Variants in IGFBP1 observed in about 807,000 individuals in gnomAD.
IGFBP1 encodes insulin-like growth factor-binding protein 1.
Under a neutral mutation model 23.1 loss-of-function variants are expected in IGFBP1, and 31 were observed. That is an observed-to-expected ratio of 1.34 (90% confidence interval 1.01 to 1.81). IGFBP1 has a LOEUF of 1.81. IGFBP1 is among the 40% of genes most tolerant of loss of function. IGFBP1 has a pLI of 0.00. For synonymous variants in IGFBP1, 148 were observed against 145.5 expected (o/e 1.02, Z -0.13); for missense variants, 333 against 342.2 (o/e 0.97, Z 0.21).
chr7:45,892,532 A>AC (rs1787095236), intron 3 of IGFBP1, among the ~76,000 whole-genome samples: 1 of 152,188 alleles, frequency 6.6e-6, no homozygotes, highest in South Asian at 2.1e-4. Context: ...GATCAAACAG[A>AC]CCAAGATTTC....
chr7:45,892,711 G>A (rs9658224), intron 3 of IGFBP1, among the ~76,000 whole-genome samples: 15,759 of 152,232 alleles, frequency 0.1, 1,003 homozygotes, highest in East Asian at 0.19. Context: ...AGACAGCTGT[G>A]CACACACTGT....
At position 45,892,996 on chromosome 7, in the gene IGFBP1, T is replaced by C. The variant is rs1787108202; in HGVS notation, c.685T>C (p.Trp229Arg). 6.2e-7 allele frequency: 1 copy of C among 1,612,962 alleles called. No homozygotes were observed. The highest frequency in any genetic ancestry group is 1.3e-5 in the African/African-American group (1 of 75,034). The change falls in exon 4 of 4, where the codon TGG (tryptophan) becomes CGG (arginine). Residue 229 changes from tryptophan (W) to arginine (R), a missense_variant. Transcript: ENST00000275525. ...CATGGATGGAGAGGCGGGACTCTGC[T>C]GGTGCGTCTACCCTTGGAATGGGAA... Reference protein sequence around the residue: ...TSMDGEAGLCWCVYPWNGKRI... With the variant: ...TSMDGEAGLCRCVYPWNGKRI...
intron 1 of IGFBP1, among the ~76,000 whole-genome samples, chr7:45,889,497 C>T (rs991332888): frequency 6.6e-6 from 1 of 152,224 alleles, no homozygotes; most frequent in Non-Finnish European, 1.5e-5. Flanking sequence ...TTGTAATATA[C>T]GTCCTGGATA....
intron 3 of IGFBP1, 26 bp downstream of exon 3, chr7:45,892,086 G>A (rs752943844): frequency 2.2e-5 from 36 of 1,611,944 alleles, no homozygotes; most frequent in African/African-American, 6.7e-5. Flanking sequence ...AGTGTGCGTC[G>A]TCAGGGTGAA....
rs765612314 is a variant in IGFBP1, at chr7:45,888,731, C to G, written c.79C>G (p.Pro27Ala). The G allele has an allele frequency of 1.3e-6, 2 of 1,594,936 alleles. No individual in the cohort carries two copies. The highest frequency in any genetic ancestry group is 4.5e-5 in the East Asian group (2 of 44,558). ...CCAGGTCGGCGTGACAGCCGGCGCT[C>G]CGTGGCAGTGCGCGCCCTGCTCCGC... The part of the protein sequence containing the change: ...TVQVGVTAGA[P>A]WQCAPCSAEK... The change falls in exon 1 of 4, where the codon CCG (proline) becomes GCG (alanine). Residue 27 changes from proline (P) to alanine (A), a missense_variant. Pro to Ala is a conservative substitution (Grantham distance 27). Transcript: ENST00000275525.
rs576996909 is a variant in IGFBP1, at chr7:45,892,654, G to T, written c.649-306G>T. On this transcript the variant is annotated intron_variant, in intron 3 of 3. Coordinates refer to ENST00000275525, the MANE Select transcript of IGFBP1 (RefSeq NM_000596.4). ...GCAATGAACAGTGGGGCACACACGAGACATGTTCCCTCTGGGTTGGGCTCC... is the reference window on the plus strand; with the variant it reads ...GCAATGAACAGTGGGGCACACACGATACATGTTCCCTCTGGGTTGGGCTCC... Among the ~76,000 whole-genome samples the T allele has an allele frequency of 2.0e-5, 3 of 152,236 alleles. No individual in the cohort carries two copies. In the South Asian group the frequency reaches 6.2e-4, roughly 32 times the overall value.
At chr7:45,889,850 C>A (rs1185758370) in intron 1 of IGFBP1, among the ~76,000 whole-genome samples, 2 of 152,132 alleles carry the variant, frequency 1.3e-5, no homozygotes, top group African/African-American at 4.8e-5. Flanking sequence ...GGATTTCCTG[C>A]GGATTCTCTG....
At position 45,888,992 on chromosome 7, in the gene IGFBP1, C is replaced by G. The variant is rs41258845; in HGVS notation, c.340C>G (p.His114Asp). ...GCAGGAGTCTGACGCCTCCGCTCCC[C>G]ATGCTGCAGGTACCACAGTCCCGCC... is the stretch of plus-strand genomic sequence containing the variant. ...CVQESDASAP[H>D]AAEAGSPESP... The change falls in exon 1 of 4, where the codon CAT becomes GAT. Residue 114 changes from histidine to aspartate, a missense_variant. Transcript: ENST00000275525. 2,976 of 1,516,380 alleles carry G rather than the reference C, an allele frequency of 2.0e-3. 44 individuals are homozygous for G. In the African/African-American group the frequency reaches 0.031, roughly 16 times the overall value. The allele number at this position is 1,516,380 out of a possible 1,614,324, so 93.9% of individuals were successfully genotyped here.
At position 45,891,919 on chromosome 7, in the gene IGFBP1, G is replaced by A. The variant is rs781367934; in HGVS notation, c.520-13G>A. Reference sequence around the variant, plus strand: ...GTCTTGTTAGATATGCTAATGTCAAGTTATTCTCTTAGGAGCCCTGCCGAA... The same window carrying A: ...GTCTTGTTAGATATGCTAATGTCAAATTATTCTCTTAGGAGCCCTGCCGAA... On this transcript the variant is annotated splice_polypyrimidine_tract_variant and intron_variant, in intron 2 of 3. Transcript: ENST00000275525. 4 of 1,606,666 alleles carry A rather than the reference G, an allele frequency of 2.5e-6. No homozygotes were observed. In the South Asian group the frequency reaches 4.4e-5, roughly 18 times the overall value.
chr7:45,890,835 T>G (rs1384092920), intron 2 of IGFBP1, 118 bp downstream of exon 2: 5 of 914,074 alleles, frequency 5.5e-6, no homozygotes, highest in Non-Finnish European at 8.1e-6. Flanking sequence ...AAAGAAATGC[T>G]TTTCCCCCAA....
chr7:45,890,768 T>C (rs750460700), intron 2 of IGFBP1, 51 bp downstream of exon 2: 2 of 1,508,238 alleles, frequency 1.3e-6, no homozygotes, highest in Non-Finnish European at 1.8e-6. Context: ...AGGATGTAGC[T>C]TGAGTCGGCT....
rs546971229 is a variant in IGFBP1, at chr7:45,890,703, A to G, written c.505A>G (p.Ile169Val). The G allele has an allele frequency of 2.5e-6, 4 of 1,603,808 alleles. No individual in the cohort carries two copies. In the East Asian group the frequency reaches 6.8e-5, roughly 27 times the overall value. Residue 169 changes from isoleucine (I) to valine (V), a missense_variant, in exon 2 of 4, where the codon ATC becomes GTC. Transcript: ENST00000275525. ...DGSKALHVTN[I>V]KKWKEPCRIE... ...CTCGAAGGCTCTCCATGTCACCAAC[A>G]TCAAAAAATGGAAGGTGAGGCCCAG...
rs1787028699 is a variant in IGFBP1, at chr7:45,888,902, T to C, written c.250T>C (p.Cys84Arg). The change falls in exon 1 of 4, where the codon TGC (cysteine) becomes CGC (arginine). Residue 84 changes from cysteine (C) to arginine (R), a missense_variant. Physicochemically the swap from Cys to Arg is radical, Grantham distance 180. Coordinates refer to ENST00000275525, the MANE Select transcript of IGFBP1 (RefSeq NM_000596.4). ...ATARCARGLSCRALPGEQQPL... is the reference protein window; with the variant it reads ...ATARCARGLSRRALPGEQQPL... ...TGCACGCTGCGCCCGGGGACTCAGT[T>C]GCCGCGCGCTGCCGGGGGAGCAGCA... 1.3e-6 allele frequency: 2 copies of C among 1,499,418 alleles called. No homozygotes were observed. Among genetic ancestry groups the C allele is most frequent in the Non-Finnish European group, 8.8e-7 (1 of 1,135,156 alleles). 92.9% of individuals were successfully genotyped at this position (1,499,418 alleles called of 1,614,324 possible). A position where few individuals can be genotyped will look rare whatever the true frequency, so the allele number is the denominator to read the frequency against.
At position 45,892,018 on chromosome 7, in the gene IGFBP1, C is replaced by T. The variant is rs749767604; in HGVS notation, c.606C>T (p.Tyr202=). ...CAGGAGAAGAAATTTCCAAATTTTA[C>T]CTGCCAAACTGCAACAAGAATGGAT... ...ETSGEEISKF[Y]LPNCNKNGFY... Residue 202 remains tyrosine, a synonymous_variant, in exon 3 of 4, where the codon TAC becomes TAT. Coordinates refer to ENST00000275525, the MANE Select transcript of IGFBP1 (RefSeq NM_000596.4). The T allele has an allele frequency of 2.5e-6, 4 of 1,614,158 alleles. No homozygotes were observed. In the Admixed American group the frequency reaches 5.0e-5, roughly 20 times the overall value.
At chr7:45,889,087 T>G in intron 1 of IGFBP1, 86 bp downstream of exon 1, 1 of 1,028,066 alleles carries the variant, frequency 9.7e-7, no homozygotes, top group Non-Finnish European at 1.3e-6. Flanking sequence ...AACTACTGGG[T>G]GGGGCTGCAG....
chr7:45,889,777 A>C (rs1033994072), intron 1 of IGFBP1, among the ~76,000 whole-genome samples: 1 of 152,198 alleles, frequency 6.6e-6, no homozygotes, highest in Non-Finnish European at 1.5e-5. Flanking sequence ...TAGGACTTCC[A>C]TACCCTGATA....
rs1787115559 is a variant in IGFBP1 at position 45,893,242 on chromosome 7, T to C, written c.*151T>C. On this transcript the variant is annotated 3_prime_UTR_variant, in exon 4 of 4. Coordinates refer to ENST00000275525, the MANE Select transcript of IGFBP1 (RefSeq NM_000596.4). ...ATACATAACTTGATATAGAAAGCTG[T>C]TTATTTATTCACTGTAAGTTTATTT... The C allele has an allele frequency of 3.2e-6, 1 of 312,594 alleles. No individual in the cohort carries two copies. The highest frequency in any genetic ancestry group is 6.3e-5 in the East Asian group (1 of 15,758). The allele number at this position is 312,594 out of a possible 1,614,324, so 19.4% of individuals were successfully genotyped here. A position where few individuals can be genotyped will look rare whatever the true frequency, so the allele number is the denominator to read the frequency against.
chr7:45,891,992 T>A lies in IGFBP1; in HGVS notation c.580T>A (p.Ser194Thr). Residue 194 changes from serine (S) to threonine (T), a missense_variant, in exon 3 of 4, where the codon TCA becomes ACA. Coordinates refer to ENST00000275525, the MANE Select transcript of IGFBP1 (RefSeq NM_000596.4). ...GAGTTTAGCCAAGGCACAGGAGACA[T>A]CAGGAGAAGAAATTTCCAAATTTTA... Reference protein sequence around the residue: ...VESLAKAQETSGEEISKFYLP... With the variant: ...VESLAKAQETTGEEISKFYLP... 6.2e-7 allele frequency: 1 copy of A among 1,613,938 alleles called. No homozygotes were observed.
At chr7:45,889,737 C>T (rs2645040) in intron 1 of IGFBP1, among the ~76,000 whole-genome samples, 1 of 152,162 alleles carries the variant, frequency 6.6e-6, no homozygotes, top group Non-Finnish European at 1.5e-5. Context: ...ACTGCTTGCA[C>T]GTCCTGTCCT....
Sources: gnomAD v4.1 joint callset for allele counts (sites outside exome capture counted in the v4.1 genomes callset) on GRCh38, gnomAD v4.1.1 for gene constraint, MANE v1.5 for transcripts, NCBI Gene and HGNC (gene_info 2026-07-23, HGNC 2026-07-21) for gene names.